Variants in TBCK observed in about 807,000 individuals in gnomAD.
TBCK encodes TBC1 domain containing kinase.
In TBCK, 99 loss-of-function variants were observed where a neutral mutation model predicts 113.4. That is an observed-to-expected ratio of 0.87 (90% CI 0.74 to 1.03). TBCK has a LOEUF of 1.03. Among genes scored for constraint, TBCK ranks in the 50% least tolerant of loss-of-function variants. The pLI, the probability that TBCK is intolerant of heterozygous loss-of-function variation, is 0.00. For missense variants in TBCK, 1,045 were observed against 1,061.3 expected (o/e 0.98, Z 0.21); for synonymous variants, 369 against 370.8 (o/e 1.00, Z 0.05).
intron 23 of TBCK, among the ~76,000 whole-genome samples, chr4:106,152,156 A>G (rs1010787602): frequency 1.3e-5 from 2 of 151,866 alleles, no homozygotes; most frequent in African/African-American, 4.8e-5. Flanking sequence ...TGCTTGTTAC[A>G]TTCTTGATCT....
intron 23 of TBCK, 31 bp downstream of exon 23, chr4:106,171,062 TAG>T (rs1026113361): frequency 2.6e-6 from 4 of 1,538,108 alleles, no homozygotes; most frequent in Admixed American, 2.2e-5. Flanking sequence ...CATCTCCTTT[TAG>T]AGTTTGTAAA....
At chr4:106,217,982 C>T (rs1488630861) in intron 19 of TBCK, among the ~76,000 whole-genome samples, 1 of 144,378 alleles carries the variant, frequency 6.9e-6, no homozygotes, top group Non-Finnish European at 1.5e-5. Context: ...TACAAGGCTA[C>T]AGTAACCAAA....
chr4:106,161,700 C>CTGTGTGTG (rs35152957), intron 23 of TBCK, among the ~76,000 whole-genome samples: 3 of 146,360 alleles, frequency 2.0e-5, no homozygotes, highest in Admixed American at 6.9e-5. Flanking sequence ...TTAGGTGTGT[C>CTGTGTGTG]TGTGTGTGTG....
At chr4:106,189,914 C>A (rs1753473778) in intron 22 of TBCK, among the ~76,000 whole-genome samples, 1 of 152,130 alleles carries the variant, frequency 6.6e-6, no homozygotes, top group Non-Finnish European at 1.5e-5. Flanking sequence ...GCATTTTATT[C>A]CCTCTGTCTA....
intron 25 of TBCK, among the ~76,000 whole-genome samples, chr4:106,081,931 A>G (rs1738917184): frequency 6.6e-6 from 1 of 152,242 alleles, no homozygotes. Context: ...CAAAATGGCT[A>G]TTACCAAAAT....
intron 7 of TBCK, among the ~76,000 whole-genome samples, chr4:106,249,409 T>C (rs116826562): frequency 1.3e-5 from 2 of 152,152 alleles, no homozygotes; most frequent in Non-Finnish European, 2.9e-5. Flanking sequence ...GAAATCTGCA[T>C]GTATGTAGGA....
chr4:106,203,045 T>C (rs979485693), intron 20 of TBCK, among the ~76,000 whole-genome samples: 2 of 151,866 alleles, frequency 1.3e-5, no homozygotes, highest in African/African-American at 4.8e-5. Flanking sequence ...AATGAAAATG[T>C]TTTCAAATTA....
At chr4:106,070,223 T>A (rs889932914) in intron 25 of TBCK, among the ~76,000 whole-genome samples, 2 of 152,224 alleles carry the variant, frequency 1.3e-5, no homozygotes, top group Non-Finnish European at 2.9e-5. Context: ...TGTGCCAGTT[T>A]TCAAAGGGAA....
chr4:106,180,389 CCTT>C lies in TBCK; in HGVS notation c.2060-9122_2060-9120del, dbSNP rs79651228. On this transcript the variant is annotated intron_variant, in intron 22 of 25. Transcript: ENST00000394708. ...TCTCTAGTAGTATGTTTTTTTTCCTCCTTCTTTTTATTATACTTTAAGTTCTGG... is the reference window on the plus strand; with the variant it reads ...TCTCTAGTAGTATGTTTTTTTTCCTCCTTTTTATTATACTTTAAGTTCTGG... 2.2e-3 allele frequency among the ~76,000 whole-genome samples: 333 copies of C among 151,410 alleles called. 6 individuals carry two copies. The East Asian group carries it at 0.033, about 15-fold the overall frequency.
At chr4:106,120,575 C>T (rs1744194500) in intron 23 of TBCK, among the ~76,000 whole-genome samples, 1 of 152,196 alleles carries the variant, frequency 6.6e-6, no homozygotes, top group Admixed American at 6.5e-5. Flanking sequence ...TGTCTGACAG[C>T]TTTGAAGAGA....
chr4:106,084,046 G>A (rs142851976), intron 25 of TBCK, among the ~76,000 whole-genome samples: 12 of 152,210 alleles, frequency 7.9e-5, no homozygotes, highest in Admixed American at 2.6e-4. Flanking sequence ...CCAAATGATC[G>A]CAGTGTCTCT....
chr4:106,071,398 T>G (rs953873911), intron 25 of TBCK, among the ~76,000 whole-genome samples: 2 of 152,196 alleles, frequency 1.3e-5, no homozygotes, highest in Non-Finnish European at 1.5e-5. Flanking sequence ...TTCCATGTAG[T>G]TGTGTGGTTT....
At chr4:106,255,061 G>GA in intron 5 of TBCK, 1 of 337,952 alleles carries the variant, frequency 3.0e-6, no homozygotes, top group Non-Finnish European at 6.0e-6. Context: ...AATTTTTATT[G>GA]AAAATAGATA....
At chr4:106,264,793 G>C (rs1762829755) in intron 3 of TBCK, among the ~76,000 whole-genome samples, 1 of 151,586 alleles carries the variant, frequency 6.6e-6, no homozygotes, top group Non-Finnish European at 1.5e-5. Flanking sequence ...TTTTTGTTTA[G>C]CTATAAGACA....
chr4:106,302,979 T>C (rs1356777322), intron 2 of TBCK, among the ~76,000 whole-genome samples: 2 of 152,208 alleles, frequency 1.3e-5, no homozygotes, highest in East Asian at 3.8e-4. Context: ...TTTCAGCAAA[T>C]GGCTGGAGCT....
chr4:106,245,923 C>T (rs1457438250), intron 10 of TBCK, among the ~76,000 whole-genome samples: 1 of 152,034 alleles, frequency 6.6e-6, no homozygotes, highest in East Asian at 1.9e-4. Context: ...AAGCTTACTG[C>T]CCATAGCAAG....
chr4:106,082,507 T>C (rs1739000397), intron 25 of TBCK, among the ~76,000 whole-genome samples: 1 of 151,982 alleles, frequency 6.6e-6, no homozygotes, highest in Non-Finnish European at 1.5e-5. Context: ...CTACACAGGA[T>C]GAGGGGGTCA....
intron 25 of TBCK, among the ~76,000 whole-genome samples, chr4:106,055,811 A>G (rs1196486139): frequency 1.3e-5 from 2 of 151,318 alleles, no homozygotes; most frequent in East Asian, 3.9e-4. Context: ...CAATCTCTGA[A>G]ACAAATACAA....
chr4:106,082,207 A>G (rs1738955591), intron 25 of TBCK, among the ~76,000 whole-genome samples: 1 of 135,934 alleles, frequency 7.4e-6, no homozygotes, highest in Non-Finnish European at 1.6e-5. Flanking sequence ...AAAGATGCCC[A>G]TCAACAGTGG....
Sources: allele counts gnomAD v4.1 joint callset (sites outside exome capture counted in the v4.1 genomes callset), GRCh38; gene constraint gnomAD v4.1.1; transcripts MANE v1.5; gene names NCBI Gene and HGNC (gene_info 2026-07-23, HGNC 2026-07-21).